ZNF354A: variants seen among roughly 807,000 people sequenced by gnomAD.
ZNF354A encodes the protein zinc finger protein 354A.
In ZNF354A, 25 loss-of-function variants were observed where a neutral mutation model predicts 53.3. The observed-to-expected ratio is 0.47, with a 90% CI of 0.34 to 0.66. The LOEUF (loss-of-function observed/expected upper bound fraction) is 0.66. Ranked by LOEUF, ZNF354A falls within the 30% of genes least tolerant of loss-of-function variation. The pLI, the probability that ZNF354A is intolerant of heterozygous loss-of-function variation, is 0.01. For missense variants in ZNF354A, 586 were observed against 716.8 expected (o/e 0.82, Z 2.08); for synonymous variants, 228 against 249.0 (o/e 0.92, Z 0.79).
Position 178,712,074 on chromosome 5 carries a change from C to T in ZNF354A, c.1804G>A (p.Glu602Lys), listed in dbSNP as rs150080303. Residue 602 changes from glutamate to lysine, a missense_variant, in exon 5 of 5, where the codon GAA becomes AAA. Physicochemically the swap from Glu to Lys is moderately conservative, Grantham distance 56 (BLOSUM62 1). Coordinates refer to ENST00000335815, the MANE Select transcript of ZNF354A (RefSeq NM_005649.3). ...SLTNHYKIHI[E>K]EDP ...AAATCTACTTTCTAGGGGTCCTCTT[C>T]GATATGAATTTTATAATGATTAGTA... 8.8e-6 allele frequency: 14 copies of T among 1,593,032 alleles called. No homozygotes were observed. In the African/African-American group the frequency reaches 9.5e-5, roughly 11 times the overall value.
At chr5:178,722,666 C>T (rs6870021) in intron 4 of ZNF354A, among the ~76,000 whole-genome samples, 34,989 of 152,028 alleles carry the variant, frequency 0.23, 4,608 homozygotes, top group South Asian at 0.35. Context: ...ATTCATTATA[C>T]AACTGGACGC....
intron 4 of ZNF354A, among the ~76,000 whole-genome samples, chr5:178,718,567 T>C (rs1270324849): frequency 6.6e-6 from 1 of 152,228 alleles, no homozygotes; most frequent in East Asian, 1.9e-4. Context: ...TGTGTATCTT[T>C]CTTTTTAAAT....
At chr5:178,726,922 A>C (rs947482767) in intron 3 of ZNF354A, 77 bp downstream of exon 3, 82 of 1,528,566 alleles carry the variant, frequency 5.4e-5, no homozygotes, top group Non-Finnish European at 6.8e-5. Context: ...TCAGTGACCA[A>C]CCGCTTTTAT....
At chr5:178,718,676 C>T (rs763540566) in intron 4 of ZNF354A, among the ~76,000 whole-genome samples, 3 of 152,024 alleles carry the variant, frequency 2.0e-5, no homozygotes, top group African/African-American at 4.8e-5. Flanking sequence ...GTTAATTTAC[C>T]GTAAATTCTT....
chr5:178,729,923 GCT>G (rs1765997744), intron 1 of ZNF354A, among the ~76,000 whole-genome samples: 1 of 149,106 alleles, frequency 6.7e-6, no homozygotes, highest in Non-Finnish European at 1.5e-5. Flanking sequence ...GGAGTGCAGG[GCT>G]TGATCTCGGC....
At position 178,712,588 on chromosome 5, in the gene ZNF354A, G is replaced by T. The variant is rs751613551; in HGVS notation, c.1290C>A (p.Ile430=). Residue 430 remains isoleucine (I), a synonymous_variant, in exon 5 of 5, where the codon ATC becomes ATA. Coordinates refer to ENST00000335815, the MANE Select transcript of ZNF354A (RefSeq NM_005649.3). ...TSISRLNRHR[I]IHTGEKFYNC... ...TATAAAACTTCTCTCCAGTATGAAT[G>T]ATTCGGTGTCTATTAAGTCGTGAAA... The T allele has an allele frequency of 3.5e-5, 57 of 1,614,024 alleles. No homozygotes were observed. Among genetic ancestry groups the T allele is most frequent in the East Asian group, 6.7e-5 (3 of 44,870 alleles).
At chr5:178,718,409 T>C (rs1193518172) in intron 4 of ZNF354A, among the ~76,000 whole-genome samples, 1 of 152,200 alleles carries the variant, frequency 6.6e-6, no homozygotes, top group African/African-American at 2.4e-5. Flanking sequence ...TCTAGACTCT[T>C]CCACCTGGAC....
chr5:178,718,896 CTAA>C (rs1203180963), intron 4 of ZNF354A, among the ~76,000 whole-genome samples: 1 of 152,154 alleles, frequency 6.6e-6, no homozygotes, highest in Non-Finnish European at 1.5e-5. Context: ...CCAAGCTTGG[CTAA>C]TATTTTTATC....
chr5:178,713,383 G>A lies in ZNF354A; in HGVS notation c.495C>T (p.Ser165=), dbSNP rs764918458. The change falls in exon 5 of 5, where the codon AGC becomes AGT. Residue 165 remains serine, a synonymous_variant. Transcript: ENST00000335815. ...IERSHKNTEL[S]QNFSPKSVLI... ...GCACTGACTTTGGGCTGAAGTTTTG[G>A]CTCAATTCAGTATTTTTATGGCTTC... 6.2e-7 allele frequency: 1 copy of A among 1,613,860 alleles called. No homozygotes were observed. The highest frequency in any genetic ancestry group is 8.5e-7 in the Non-Finnish European group (1 of 1,179,992).
At chr5:178,714,715 T>C (rs529491413) in intron 4 of ZNF354A, among the ~76,000 whole-genome samples, 2 of 152,054 alleles carry the variant, frequency 1.3e-5, no homozygotes, top group Non-Finnish European at 2.9e-5. Context: ...GTATTTCATA[T>C]ATATACAAAT....
In ZNF354A at chr5:178,712,953, G is replaced by C. The variant is rs746256078; in HGVS notation, c.925C>G (p.Arg309Gly). ...TGATGTATAAAAAGGCCTGACCTTC[G>C]GCTGAAGGATTTACCACATTCTTTA... ...RCKECGKSFS[R>G]RSGLFIHQKI... Residue 309 changes from arginine to glycine, a missense_variant, in exon 5 of 5, where the codon CGA (arginine) becomes GGA (glycine). Transcript: ENST00000335815. 7 of 1,613,922 alleles carry C rather than the reference G, an allele frequency of 4.3e-6. No individual in the cohort carries two copies. In the Admixed American group the frequency reaches 8.3e-5, roughly 19 times the overall value.
chr5:178,726,911 T>C, intron 3 of ZNF354A, 88 bp downstream of exon 3: 1 of 1,521,044 alleles, frequency 6.6e-7, no homozygotes, highest in South Asian at 1.3e-5. Context: ...GCTCAAATTT[T>C]TCAGTGACCA....
intron 4 of ZNF354A, among the ~76,000 whole-genome samples, chr5:178,722,790 A>G (rs543031749): frequency 1.1e-3 from 160 of 152,282 alleles, no homozygotes; most frequent in South Asian, 6.4e-3. Flanking sequence ...GAAGAAACAG[A>G]TCTATTACAC....
chr5:178,726,769 T>C lies in ZNF354A; in HGVS notation c.160+230A>G, dbSNP rs980803036. On this transcript the variant is annotated intron_variant, in intron 3 of 4. Transcript: ENST00000335815. ...GACAAACTTGGAGTGTGTGATTACA[T>C]AGAGAGAGAGGAATGATTATCAATA... is the stretch of plus-strand genomic sequence containing the variant. 5.3e-5 allele frequency among the ~76,000 whole-genome samples: 8 copies of C among 152,166 alleles called. No homozygotes were observed. The South Asian group carries it at 6.2e-4, about 12-fold the overall frequency.
chr5:178,720,509 A>G (rs1765792866), intron 4 of ZNF354A, among the ~76,000 whole-genome samples: 1 of 152,150 alleles, frequency 6.6e-6, no homozygotes, highest in African/African-American at 2.4e-5. Context: ...CACAGATAGG[A>G]CTGATGCAGC....
chr5:178,722,083 C>T (rs1765823301), intron 4 of ZNF354A, among the ~76,000 whole-genome samples: 1 of 152,186 alleles, frequency 6.6e-6, no homozygotes, highest in Non-Finnish European at 1.5e-5. Flanking sequence ...TCCTGATTTT[C>T]CTTACAGTAC....
chr5:178,723,015 A>G (rs961170955), intron 4 of ZNF354A, among the ~76,000 whole-genome samples: 1 of 152,192 alleles, frequency 6.6e-6, no homozygotes, highest in Non-Finnish European at 1.5e-5. Context: ...GGCGCCCCCC[A>G]TGACACACTG....
In ZNF354A at chr5:178,726,180, C is replaced by A. The variant is rs1421241186; in HGVS notation, c.161-709G>T. ...TTTAAGGATGGCAGTGATCAGCAAACTACGGGTCATGGGCCAAATTCAGAC... is the reference window on the plus strand; with the variant it reads ...TTTAAGGATGGCAGTGATCAGCAAAATACGGGTCATGGGCCAAATTCAGAC... On this transcript the variant is annotated intron_variant, in intron 3 of 4. Transcript: ENST00000335815. 6 of 455,714 alleles carry A rather than the reference C, an allele frequency of 1.3e-5. No individual in the cohort carries two copies. In the East Asian group the frequency reaches 4.2e-4, roughly 32 times the overall value. The allele number at this position is 455,714 out of a possible 1,614,324, so 28.2% of individuals were successfully genotyped here.
chr5:178,711,975 A>G lies in ZNF354A; in HGVS notation c.*85T>C. 1 of 1,473,686 alleles carries G rather than the reference A, an allele frequency of 6.8e-7. No individual in the cohort carries two copies. The highest frequency in any genetic ancestry group is 1.5e-5 in the South Asian group (1 of 68,640). 91.3% of individuals were successfully genotyped at this position (1,473,686 alleles called of 1,614,324 possible). A position where few individuals can be genotyped will look rare whatever the true frequency, so the allele number is the denominator to read the frequency against. On this transcript the variant is annotated 3_prime_UTR_variant, in exon 5 of 5. Coordinates refer to ENST00000335815, the MANE Select transcript of ZNF354A (RefSeq NM_005649.3). ...GCTAAATTATTACAGTTTTTTTCAC[A>G]TCCATTACATTTATTACATCTCTCT... is the stretch of plus-strand genomic sequence containing the variant.
Sources: allele counts gnomAD v4.1 joint callset (sites outside exome capture counted in the v4.1 genomes callset), GRCh38; gene constraint gnomAD v4.1.1; transcripts MANE v1.5; gene names NCBI Gene and HGNC (gene_info 2026-07-23, HGNC 2026-07-21).